AGBL4: variants seen among roughly 807,000 people sequenced by gnomAD.
AGBL4 encodes AGBL carboxypeptidase 4.
A neutral mutation model predicts 66.4 loss-of-function variants in AGBL4; 58 were observed. The observed-to-expected ratio is 0.87, with a 90% CI of 0.71 to 1.09. The LOEUF is 1.09. Ranked by LOEUF, AGBL4 falls within the 50% of genes least tolerant of loss-of-function variation. AGBL4 has a pLI of 0.00. For synonymous variants in AGBL4, 234 were observed against 222.9 expected (o/e 1.05, Z -0.44); for missense variants, 579 against 631.0 (o/e 0.92, Z 0.88).
intron 6 of AGBL4, among the ~76,000 whole-genome samples, chr1:48,765,673 C>G (rs1165448936): frequency 1.3e-5 from 2 of 152,154 alleles, no homozygotes; most frequent in African/African-American, 2.4e-5. Flanking sequence ...CCCAACTGTC[C>G]ATCAACTTAT....
chr1:48,539,751 G>A lies in AGBL4; in HGVS notation c.1268-13C>T, dbSNP rs1461404958. On this transcript the variant is annotated splice_polypyrimidine_tract_variant and intron_variant, in intron 11 of 13. Transcript: ENST00000371839. ...CCCAGCTTCATATCTGCAGGTGTGT[G>A]CATTAAGGAGCAACTTCGAAAACAG... 3 of 1,479,064 alleles carry A rather than the reference G, an allele frequency of 2.0e-6. No individual in the cohort carries two copies. Among genetic ancestry groups the A allele is most frequent in the East Asian group, 5.2e-5 (2 of 38,798 alleles). 91.6% of individuals were successfully genotyped at this position (1,479,064 alleles called of 1,614,324 possible).
intron 3 of AGBL4, among the ~76,000 whole-genome samples, chr1:49,281,587 T>A (rs1464570635): frequency 2.0e-5 from 3 of 152,248 alleles, no homozygotes; most frequent in Non-Finnish European, 4.4e-5. Context: ...TTTCCAATGA[T>A]AATACAGCTG....
chr1:48,852,614 G>A (rs916683055), intron 6 of AGBL4, among the ~76,000 whole-genome samples: 1 of 152,084 alleles, frequency 6.6e-6, no homozygotes, highest in African/African-American at 2.4e-5. Context: ...TCTTAGTCCA[G>A]CAAATAGAAA....
At chr1:49,203,752 C>T (rs1205809109) in intron 4 of AGBL4, among the ~76,000 whole-genome samples, 8 of 152,046 alleles carry the variant, frequency 5.3e-5, no homozygotes, top group African/African-American at 1.7e-4. Context: ...TGAGGTGAGC[C>T]GAGATTGTGC....
rs796208718 is a variant in AGBL4, at chr1:49,394,302, A to G, written c.283-148438T>C. 3.1e-4 allele frequency among the ~76,000 whole-genome samples: 47 copies of G among 152,008 alleles called. 1 individual carries two copies. Among genetic ancestry groups the G allele is most frequent in the African/African-American group, 1.1e-3 (45 of 41,470 alleles). ...ACCACTGGGTTGATTAAGATTTGAA[A>G]AATGTTGAATTTATTCTATAAATTC... On this transcript the variant is annotated intron_variant, in intron 3 of 13. Coordinates refer to ENST00000371839, the MANE Select transcript of AGBL4 (RefSeq NM_032785.4).
intron 1 of AGBL4, among the ~76,000 whole-genome samples, chr1:49,916,144 C>T (rs1217563021): frequency 6.6e-6 from 1 of 152,124 alleles, no homozygotes; most frequent in Non-Finnish European, 1.5e-5. Flanking sequence ...AAAAACAGAG[C>T]AGAAAAGCTG....
intron 4 of AGBL4, among the ~76,000 whole-genome samples, chr1:49,069,192 T>A (rs1644551031): frequency 6.6e-6 from 1 of 152,226 alleles, no homozygotes; most frequent in African/African-American, 2.4e-5. Context: ...GCCTATTCAG[T>A]CTGATGGTAG....
chr1:49,510,013 T>C (rs1014372402), intron 3 of AGBL4, among the ~76,000 whole-genome samples: 12 of 151,970 alleles, frequency 7.9e-5, no homozygotes, highest in African/African-American at 2.9e-4. Flanking sequence ...TTGTACATTG[T>C]CAGTGAAGGC....
Position 49,637,729 on chromosome 1 carries a change from C to T in AGBL4, c.282+59584G>A, listed in dbSNP as rs542578170. 4.6e-5 allele frequency among the ~76,000 whole-genome samples: 7 copies of T among 152,142 alleles called. No homozygotes were observed. In the South Asian group the frequency reaches 1.5e-3, roughly 32 times the overall value. ...TGTTACACAGACTGAAAAAATCTTT[C>T]TAAACCTAATAGCAACAAATTAAAA... On this transcript the variant is annotated intron_variant, in intron 3 of 13. Transcript: ENST00000371839.
chr1:48,868,347 G>A (rs890044534), intron 5 of AGBL4, among the ~76,000 whole-genome samples: 4 of 152,172 alleles, frequency 2.6e-5, no homozygotes, highest in Non-Finnish European at 5.9e-5. Flanking sequence ...GAAAGGGGAA[G>A]GCAGAAACAT....
chr1:48,886,530 C>T (rs1020172256), intron 5 of AGBL4, among the ~76,000 whole-genome samples: 18 of 152,052 alleles, frequency 1.2e-4, no homozygotes, highest in Admixed American at 2.0e-4. Flanking sequence ...GCAGCTCAGC[C>T]GGCCACAAAT....
chr1:49,540,643 A>T (rs74078144), intron 3 of AGBL4, among the ~76,000 whole-genome samples: 3,244 of 152,208 alleles, frequency 0.021, 105 homozygotes, highest in African/African-American at 0.073. Flanking sequence ...GGTTATAGAA[A>T]ATATATATAT....
Position 48,601,763 on chromosome 1 carries a change from G to A in AGBL4, c.952-10778C>T, listed in dbSNP as rs188780652. 1.6e-3 allele frequency among the ~76,000 whole-genome samples: 251 copies of A among 152,246 alleles called. 2 individuals carry two copies. Among genetic ancestry groups the A allele is most frequent in the African/African-American group, 5.6e-3 (233 of 41,560 alleles). ...GATCTCACAACAAATTATGAGTTGA[G>A]ATGGGATTCGAGCTTACATCTCACC... On this transcript the variant is annotated intron_variant, in intron 9 of 13. Transcript: ENST00000371839.
At chr1:48,635,909 T>A (rs1265294804) in intron 8 of AGBL4, among the ~76,000 whole-genome samples, 1 of 152,234 alleles carries the variant, frequency 6.6e-6, no homozygotes, top group African/African-American at 2.4e-5. Flanking sequence ...TCATTTGCCA[T>A]TACAACATGA....
chr1:49,774,872 C>A (rs1216054112), intron 2 of AGBL4, among the ~76,000 whole-genome samples: 1 of 152,076 alleles, frequency 6.6e-6, no homozygotes, highest in Non-Finnish European at 1.5e-5. Flanking sequence ...TCAGCAACAC[C>A]ACTTTTAGGA....
chr1:48,605,745 G>A (rs1263611559), intron 9 of AGBL4, among the ~76,000 whole-genome samples: 1 of 152,156 alleles, frequency 6.6e-6, no homozygotes, highest in Non-Finnish European at 1.5e-5. Flanking sequence ...TGATGGAGAA[G>A]ATATTATCTT....
chr1:48,926,452 T>TC (rs1197503798), intron 5 of AGBL4, among the ~76,000 whole-genome samples: 23 of 151,290 alleles, frequency 1.5e-4, no homozygotes, highest in African/African-American at 4.1e-4. Context: ...GCTAATTTTT[T>TC]TTTTTTTGTA....
At chr1:49,166,341 T>G (rs1033317143) in intron 4 of AGBL4, among the ~76,000 whole-genome samples, 1 of 152,124 alleles carries the variant, frequency 6.6e-6, no homozygotes, top group African/African-American at 2.4e-5. Flanking sequence ...AAACTCTAAT[T>G]TGTCATGTTA....
chr1:49,793,784 GAA>G (rs1359803296), intron 2 of AGBL4, among the ~76,000 whole-genome samples: 1 of 151,820 alleles, frequency 6.6e-6, no homozygotes. Flanking sequence ...ATAAAACAGA[GAA>G]AAGAGACTAG....
Sources: gnomAD v4.1 joint callset for allele counts (sites outside exome capture counted in the v4.1 genomes callset) on GRCh38, gnomAD v4.1.1 for gene constraint, MANE v1.5 for transcripts, NCBI Gene and HGNC (gene_info 2026-07-23, HGNC 2026-07-21) for gene names.